Variants in DOT1L observed in about 807,000 individuals in gnomAD.
DOT1L encodes the protein DOT1 like histone lysine methyltransferase.
A neutral mutation model predicts 153.3 loss-of-function variants in DOT1L; 33 were observed. That is an observed-to-expected ratio of 0.22 (90% confidence interval 0.16 to 0.29). DOT1L has a LOEUF of 0.29. DOT1L is among the 10% of genes least tolerant of loss of function. The probability of loss-of-function intolerance (pLI) is 1.00; values close to 1 mark genes in which losing one functional copy is unlikely to be tolerated. For missense variants in DOT1L, 1,847 were observed against 2,119.9 expected, an observed-to-expected ratio of 0.87 and a Z score of 2.53; for synonymous variants, 1,135 against 965.1, an observed-to-expected ratio of 1.18 and a Z score of -3.26.
chr19:2,223,556 G>GC, intron 25 of DOT1L, 70 bp downstream of exon 25: 1 of 316,752 alleles, frequency 3.2e-6, no homozygotes, highest in Non-Finnish European at 5.9e-6. Flanking sequence ...CACTGTGTGT[G>GC]TGTGGGTGGG....
rs111892583 is a variant in DOT1L at position 2,226,103 on chromosome 19, T to G, written c.3662-80T>G. 4,223 of 1,433,662 alleles carry G rather than the reference T, an allele frequency of 2.9e-3. 88 individuals are homozygous for G. In the African/African-American group the frequency reaches 0.051, roughly 17 times the overall value. The allele number at this position is 1,433,662 out of a possible 1,614,324, so 88.8% of individuals were successfully genotyped here. On this transcript the variant is annotated intron_variant, in intron 26 of 27. Transcript: ENST00000398665. ...CCTGCCTGCAGAGTTGCCCGGGCCG[T>G]GGCAGCAGCCCCGGTTAGCCTCATG...
At position 2,190,432 on chromosome 19, in the gene DOT1L, A is replaced by G. The variant is rs1208183703; in HGVS notation, c.265-580A>G. On this transcript the variant is annotated intron_variant, in intron 4 of 27. Transcript: ENST00000398665. This position sits in a 1 kb window ranked among gnomAD's most constrained non-coding sequence, Gnocchi z 4.8. ...GGCTCACTTGGCCCTCCTGAGTGGG[A>G]CTGGGCTGGGCTGGGCTGCCCCATC... is the stretch of plus-strand genomic sequence containing the variant. Among the ~76,000 whole-genome samples, 2 of 151,806 alleles carry G rather than the reference A, an allele frequency of 1.3e-5. No homozygotes were observed. Among genetic ancestry groups the G allele is most frequent in the East Asian group, 1.9e-4 (1 of 5,142 alleles).
chr19:2,199,418 G>C (rs1054168874), intron 7 of DOT1L, among the ~76,000 whole-genome samples: 12 of 152,244 alleles, frequency 7.9e-5, no homozygotes, highest in Non-Finnish European at 1.6e-4. Flanking sequence ...CTGCCGCAGA[G>C]GGTGCCCCCC....
chr19:2,180,598 A>T, intron 1 of DOT1L, 115 bp from the exon 2 acceptor site: 1 of 1,296,960 alleles, frequency 7.7e-7, no homozygotes, highest in African/African-American at 1.4e-5. Flanking sequence ...TGGGAGCTGC[A>T]CCAGTTGGGA....
At chr19:2,205,303 T>C (rs981002705) in intron 9 of DOT1L, among the ~76,000 whole-genome samples, 7 of 152,324 alleles carry the variant, frequency 4.6e-5, no homozygotes, top group Admixed American at 2.0e-4. Flanking sequence ...CTTCTTTATA[T>C]GTGTAAAAAC....
At chr19:2,185,700 C>T (rs527945156) in intron 2 of DOT1L, among the ~76,000 whole-genome samples, 155 bp from the exon 3 acceptor site, 3 of 152,232 alleles carry the variant, frequency 2.0e-5, no homozygotes, top group Admixed American at 6.5e-5. Flanking sequence ...ACCCAGGAGG[C>T]GGAGCTTGCA....
chr19:2,207,731 C>T lies in DOT1L; in HGVS notation c.963+51C>T, dbSNP rs371267973. ...GCAGGGCCGTCCTGGTCTTCCACCC[C>T]GCCCACGTCACACTGCTCTCTCCTT... On this transcript the variant is annotated intron_variant, in intron 11 of 27. Transcript: ENST00000398665. This position sits in a 1 kb window ranked among gnomAD's most constrained non-coding sequence, Gnocchi z 4.5. The T allele has an allele frequency of 1.5e-5, 22 of 1,490,304 alleles. No homozygotes were observed. The highest frequency in any genetic ancestry group is 6.9e-5 in the East Asian group (3 of 43,786). The allele number at this position is 1,490,304 out of a possible 1,614,324, so 92.3% of individuals were successfully genotyped here. A position where few individuals can be genotyped will look rare whatever the true frequency, so the allele number is the denominator to read the frequency against.
intron 27 of DOT1L, 26 bp from the exon 28 acceptor site, chr19:2,229,759 G>A (rs373863097): frequency 1.3e-4 from 216 of 1,612,858 alleles, no homozygotes; most frequent in Non-Finnish European, 1.8e-4. Context: ...ACCTCAGGCC[G>A]CTCTTCCCGC....
intron 7 of DOT1L, among the ~76,000 whole-genome samples, chr19:2,198,239 G>A (rs917567081): frequency 2.0e-5 from 3 of 152,230 alleles, no homozygotes; most frequent in Admixed American, 6.5e-5. Context: ...TGGGTGGCTT[G>A]TTCACGGGGA....
At chr19:2,201,790 C>T (rs1157343672) in intron 8 of DOT1L, among the ~76,000 whole-genome samples, 2 of 152,258 alleles carry the variant, frequency 1.3e-5, no homozygotes, top group South Asian at 2.1e-4. Flanking sequence ...AGTTCCTCTC[C>T]AGGAGCTGCC....
chr19:2,200,201 C>G (rs2023193163), intron 8 of DOT1L, among the ~76,000 whole-genome samples: 1 of 152,192 alleles, frequency 6.6e-6, no homozygotes, highest in Admixed American at 6.5e-5. Flanking sequence ...GTCCCCTTGA[C>G]TTTGGGACAC....
At chr19:2,211,243 T>C (rs758454533) in intron 15 of DOT1L, 31 bp downstream of exon 15, 1 of 1,564,208 alleles carries the variant, frequency 6.4e-7, no homozygotes, top group African/African-American at 1.4e-5. Context: ...CGGCGAAGGG[T>C]TCTGGGCTTG....
chr19:2,174,998 ATATATAT>A (rs1389505578), intron 1 of DOT1L, among the ~76,000 whole-genome samples: 56 of 63,694 alleles, frequency 8.8e-4, no homozygotes, highest in African/African-American at 3.4e-3. Context: ...GTGTGTGTAT[ATATATAT>A]TTTTTTTTTT....
chr19:2,214,630 C>A, intron 19 of DOT1L, 34 bp downstream of exon 19: 1 of 1,600,310 alleles, frequency 6.2e-7, no homozygotes, highest in Non-Finnish European at 8.5e-7. Context: ...TCCGTGGTGT[C>A]CGAGCCTCTC....
intron 17 of DOT1L, 43 bp downstream of exon 17, chr19:2,213,683 G>A (rs1287483533): frequency 5.6e-6 from 9 of 1,608,308 alleles, no homozygotes; most frequent in Non-Finnish European, 5.1e-6. Flanking sequence ...CAGCTGGGGC[G>A]CAGGCTGGGG....
chr19:2,206,033 A>G (rs1040730004), intron 9 of DOT1L, among the ~76,000 whole-genome samples: 15 of 138,878 alleles, frequency 1.1e-4, no homozygotes, highest in African/African-American at 3.5e-4. Context: ...GTCTCTCTCT[A>G]TCGCCCAGGC....
chr19:2,228,292 C>T (rs1287093492), intron 27 of DOT1L: 2 of 1,352,256 alleles, frequency 1.5e-6, no homozygotes, highest in Admixed American at 2.0e-5. Context: ...GTGTGGGTGT[C>T]CCTCGGCATG....
rs866860917 is a variant in DOT1L at position 2,230,584 on chromosome 19, G to A, written c.*792G>A. On this transcript the variant is annotated 3_prime_UTR_variant, in exon 28 of 28. Transcript: ENST00000398665. ...CTCGCAGCATGCCCTGCGATGCGGG[G>A]CAGGCCTGTCGTGGGTCCCTTGGTG... The A allele has an allele frequency of 1.0e-5, 4 of 398,734 alleles. No individual in the cohort carries two copies. Among genetic ancestry groups the A allele is most frequent in the South Asian group, 1.3e-4 (1 of 7,866 alleles). The allele number at this position is 398,734 out of a possible 1,614,324, so 24.7% of individuals were successfully genotyped here. A position where few individuals can be genotyped will look rare whatever the true frequency, so the allele number is the denominator to read the frequency against.
At chr19:2,225,616 G>C (rs543639798) in intron 26 of DOT1L, among the ~76,000 whole-genome samples, 164 bp downstream of exon 26, 4 of 152,004 alleles carry the variant, frequency 2.6e-5, no homozygotes, top group African/African-American at 9.7e-5. Flanking sequence ...CGTGTCCTGC[G>C]TGGGCGCCGA....
Sources: allele counts gnomAD v4.1 joint callset (sites outside exome capture counted in the v4.1 genomes callset), GRCh38; gene constraint gnomAD v4.1.1; non-coding constraint Gnocchi (gnomAD v3.1); transcripts MANE v1.5; gene names NCBI Gene and HGNC (gene_info 2026-07-23, HGNC 2026-07-21).